The following ZWILCH variants were observed in gnomAD, a reference collection of about 807,000 sequenced individuals.
ZWILCH encodes the protein zwilch kinetochore protein, also known as protein zwilch homolog.
Under a neutral mutation model 79.9 loss-of-function variants are expected in ZWILCH, and 74 were observed. The observed-to-expected ratio is 0.93, with a 90% confidence interval of 0.77 to 1.12. The LOEUF (loss-of-function observed/expected upper bound fraction) is 1.12. ZWILCH is among the 50% of genes most tolerant of loss of function. ZWILCH has a pLI of 0.00. For synonymous variants in ZWILCH, 241 were observed against 228.2 expected (o/e 1.06, Z -0.51); for missense variants, 694 against 687.5 (o/e 1.01, Z -0.11).
Position 66,527,898 on chromosome 15 carries a change from G to A in ZWILCH, c.955G>A (p.Asp319Asn). The A allele has an allele frequency of 6.2e-7, 1 of 1,600,548 alleles. No individual in the cohort carries two copies. The highest frequency in any genetic ancestry group is 8.5e-7 in the Non-Finnish European group (1 of 1,176,826). Residue 319 changes from aspartate (D) to asparagine (N), a missense_variant, in exon 10 of 19, where the codon GAC becomes AAC. Transcript: ENST00000307897. ...LDGFGDSTKK[D>N]TEVETLKHDT... is the part of the protein sequence containing the mutation. The stretch of plus-strand genomic sequence containing the variant: ...TGGATTTGGTGATTCTACAAAAAAA[G>A]ACACTGAGGTTGAGGTAAGTGATTA...
At position 66,528,726 on chromosome 15, in the gene ZWILCH, A is replaced by G. The variant is rs766755009; in HGVS notation, c.970-126A>G. On this transcript the variant is annotated intron_variant, in intron 10 of 18. Coordinates refer to ENST00000307897, the MANE Select transcript of ZWILCH (RefSeq NM_017975.5). ...TCTCCTCATTAGTGAATGAAGTTGTAGAAAATTCGTTCATATCTTTGTGTG... is the reference window on the plus strand; with the variant it reads ...TCTCCTCATTAGTGAATGAAGTTGTGGAAAATTCGTTCATATCTTTGTGTG... The G allele has an allele frequency of 4.5e-5, 31 of 686,752 alleles. 1 individual carries two copies. Among genetic ancestry groups the G allele is most frequent in the Non-Finnish European group, 7.1e-5 (29 of 409,534 alleles). The allele number at this position is 686,752 out of a possible 1,614,324, so 42.5% of individuals were successfully genotyped here.
At chr15:66,511,610 T>A (rs1894068208) in intron 2 of ZWILCH, among the ~76,000 whole-genome samples, 1 of 151,444 alleles carries the variant, frequency 6.6e-6, no homozygotes, top group South Asian at 2.1e-4. Flanking sequence ...ACAATGAAAA[T>A]GCTTTTTTTC....
chr15:66,529,490 C>T lies in ZWILCH; in HGVS notation c.1076-4C>T. The T allele has an allele frequency of 6.2e-7, 1 of 1,610,804 alleles. No individual in the cohort carries two copies. Among genetic ancestry groups the T allele is most frequent in the African/African-American group, 1.3e-5 (1 of 74,896 alleles). ...AATAATGTTACACTGACTTGTTTTC[C>T]AAGGTGTGATTTCATACCAAGACTT... is the stretch of plus-strand genomic sequence containing the variant. On this transcript the variant is annotated splice_polypyrimidine_tract_variant and splice_region_variant and intron_variant, in intron 11 of 18. Coordinates refer to ENST00000307897, the MANE Select transcript of ZWILCH (RefSeq NM_017975.5).
At chr15:66,527,091 G>A (rs1894699981) in intron 8 of ZWILCH, among the ~76,000 whole-genome samples, 199 bp from the exon 9 acceptor site, 1 of 152,172 alleles carries the variant, frequency 6.6e-6, no homozygotes, top group African/African-American at 2.4e-5. Context: ...TCAATAAGAT[G>A]AGAATAATAG....
chr15:66,525,407 G>A (rs1160471905), intron 8 of ZWILCH, among the ~76,000 whole-genome samples: 3 of 152,110 alleles, frequency 2.0e-5, no homozygotes, highest in African/African-American at 7.2e-5. Context: ...GTCTGTCTGT[G>A]TTCAACCCCC....
At chr15:66,541,406 C>T (rs1369801707) in intron 17 of ZWILCH, among the ~76,000 whole-genome samples, 1 of 151,996 alleles carries the variant, frequency 6.6e-6, no homozygotes, top group African/African-American at 2.4e-5. Context: ...TTCTCCTTAT[C>T]TTGTATAGAG....
chr15:66,529,615 T>A (rs1013688130), intron 12 of ZWILCH, 42 bp downstream of exon 12: 11 of 1,460,576 alleles, frequency 7.5e-6, no homozygotes, highest in Non-Finnish European at 1.1e-5. Context: ...CTCAGCAGCA[T>A]AGCATGATGT....
chr15:66,523,019 C>T (rs1045062340), intron 7 of ZWILCH, among the ~76,000 whole-genome samples: 6 of 152,122 alleles, frequency 3.9e-5, no homozygotes, highest in South Asian at 2.1e-4. Flanking sequence ...GACGGGGTTT[C>T]GCCCAGTTGG....
chr15:66,545,186 C>G (rs1442826135), intron 17 of ZWILCH, among the ~76,000 whole-genome samples: 1 of 151,682 alleles, frequency 6.6e-6, no homozygotes, highest in Non-Finnish European at 1.5e-5. Context: ...AACCCTGTCT[C>G]TACTAAAAAT....
chr15:66,515,737 A>C, intron 4 of ZWILCH, 93 bp downstream of exon 4: 1 of 837,278 alleles, frequency 1.2e-6, no homozygotes, highest in Non-Finnish European at 2.0e-6. Flanking sequence ...TCTAGCCCTT[A>C]TATCTTCCTT....
At chr15:66,514,292 G>A (rs539488600) in intron 3 of ZWILCH, 19 of 294,322 alleles carry the variant, frequency 6.5e-5, no homozygotes, top group Non-Finnish European at 1.1e-4. Context: ...AGAAATAATC[G>A]ATAAAATTCA....
chr15:66,517,894 G>A (rs373713220), intron 4 of ZWILCH, among the ~76,000 whole-genome samples: 15 of 151,238 alleles, frequency 9.9e-5, no homozygotes, highest in African/African-American at 3.2e-4. Context: ...CACCACACCC[G>A]GCTAATTTTT....
Position 66,505,370 on chromosome 15 carries a change from A to T in ZWILCH, c.32A>T (p.Asp11Val), listed in dbSNP as rs112076842. Residue 11 changes from aspartate to valine, a missense_variant, in exon 1 of 19, where the codon GAC (aspartate) becomes GTC (valine). By Grantham distance (152) the Asp-to-Val change is radical (BLOSUM62 -3). Coordinates refer to ENST00000307897, the MANE Select transcript of ZWILCH (RefSeq NM_017975.5). Reference protein sequence around the residue: MWERLNCAAEDFYSRLLQKFN... With the variant: MWERLNCAAEVFYSRLLQKFN... ...GAGCGGCTGAACTGCGCAGCAGAGG[A>T]CTTTTATTCTCGTCTCCTTCAGTGA... 6.2e-7 allele frequency: 1 copy of T among 1,614,050 alleles called. No individual in the cohort carries two copies. Among genetic ancestry groups the T allele is most frequent in the East Asian group, 2.2e-5 (1 of 44,878 alleles).
At chr15:66,541,738 G>A (rs1403295851) in intron 17 of ZWILCH, among the ~76,000 whole-genome samples, 2 of 151,980 alleles carry the variant, frequency 1.3e-5, no homozygotes, top group Non-Finnish European at 2.9e-5. Flanking sequence ...TATTCATATG[G>A]GTCTTAAATG....
chr15:66,523,540 C>A, intron 7 of ZWILCH, 137 bp from the exon 8 acceptor site: 2 of 604,016 alleles, frequency 3.3e-6, no homozygotes, highest in South Asian at 2.7e-5. Flanking sequence ...ATGTGTTGAC[C>A]TCATTTTTCA....
Position 66,520,644 on chromosome 15 carries a change from G to C in ZWILCH, c.575G>C (p.Arg192Thr). The change falls in exon 6 of 19, where the codon AGA (arginine) becomes ACA (threonine). Residue 192 changes from arginine (R) to threonine (T), a missense_variant. Transcript: ENST00000307897. ...LENLKNLHKK[R>T]HHLSTVTSKG... ...AACCTAAAAAATTTACACAAGAAAAGACATCACTTGTCTACTGTAAGTGTT... is the reference window on the plus strand; with the variant it reads ...AACCTAAAAAATTTACACAAGAAAACACATCACTTGTCTACTGTAAGTGTT... The C allele has an allele frequency of 1.9e-6, 3 of 1,554,892 alleles. No homozygotes were observed. Among genetic ancestry groups the C allele is most frequent in the Non-Finnish European group, 2.7e-6 (3 of 1,131,636 alleles).
intron 4 of ZWILCH, among the ~76,000 whole-genome samples, chr15:66,517,430 G>GTGTGTGTGTGTGTGTATATATATATATA: frequency 4.5e-5 from 3 of 66,524 alleles, no homozygotes; most frequent in Non-Finnish European, 5.9e-5. Context: ...GTGTGTGTGT[G>GTGTGTGTGTGTGTGTATATATATATATA]TATATATATA....
rs1895506350 is a variant in ZWILCH, at chr15:66,549,336, T to A, written c.*1012T>A. The A allele has an allele frequency of 6.6e-6, 1 of 152,222 alleles. No individual in the cohort carries two copies. Among genetic ancestry groups the A allele is most frequent in the African/African-American group, 2.4e-5 (1 of 41,454 alleles). 9.4% of individuals were successfully genotyped at this position (152,222 alleles called of 1,614,324 possible). On this transcript the variant is annotated 3_prime_UTR_variant, in exon 19 of 19. Coordinates refer to ENST00000307897, the MANE Select transcript of ZWILCH (RefSeq NM_017975.5). ...TTGTTGAGGGGGATTGCATGTTGCT[T>A]TATTGGCCTGTAAAAATAGCTAGTT...
In ZWILCH at chr15:66,548,505, C is replaced by T; in HGVS notation, c.*181C>T. 1 of 1,602,258 alleles carries T rather than the reference C, an allele frequency of 6.2e-7. No homozygotes were observed. Among genetic ancestry groups the T allele is most frequent in the South Asian group, 1.1e-5 (1 of 90,452 alleles). ...TAATCCTGTCTCAGCTCTGCCTCCT[C>T]AGGAGGAGCATTAGTAGAACAGCAG... On this transcript the variant is annotated 3_prime_UTR_variant, in exon 19 of 19. Transcript: ENST00000307897.
Sources: gnomAD v4.1 joint callset for allele counts (sites outside exome capture counted in the v4.1 genomes callset) on GRCh38, gnomAD v4.1.1 for gene constraint, MANE v1.5 for transcripts, NCBI Gene and HGNC (gene_info 2026-07-23, HGNC 2026-07-21) for gene names.